Variants in CDH13 observed in about 807,000 individuals in gnomAD.
The protein encoded by CDH13 is cadherin 13.
In CDH13, 24 loss-of-function variants were observed where a neutral mutation model predicts 63.8. The ratio of observed to expected loss-of-function variants is 0.38; its 90% CI spans 0.27 to 0.53. The LOEUF (loss-of-function observed/expected upper bound fraction) is 0.53. CDH13 is among the 20% of genes least tolerant of loss of function. CDH13 has a pLI of 0.85. For synonymous variants in CDH13, 503 were observed against 355.3 expected (o/e 1.42, Z -4.67); for missense variants, 1,049 against 903.1 (o/e 1.16, Z -2.07).
chr16:83,328,291 G>C (rs1237453017), intron 5 of CDH13, among the ~76,000 whole-genome samples: 1 of 152,162 alleles, frequency 6.6e-6, no homozygotes, highest in East Asian at 1.9e-4. Flanking sequence ...TTATGAGTGA[G>C]ATTAAAAGAG....
chr16:82,815,278 C>T (rs918332741), intron 1 of CDH13, among the ~76,000 whole-genome samples: 2 of 152,148 alleles, frequency 1.3e-5, no homozygotes, highest in African/African-American at 2.4e-5. Flanking sequence ...ATCCACATCA[C>T]AGCTCCACCC....
intron 2 of CDH13, among the ~76,000 whole-genome samples, chr16:82,916,531 G>A (rs564508974): frequency 2.6e-5 from 4 of 151,896 alleles, no homozygotes; most frequent in East Asian, 1.9e-4. Context: ...CTGAGATCGC[G>A]CCACAGCACT....
intron 10 of CDH13, among the ~76,000 whole-genome samples, chr16:83,731,393 A>G (rs1047999922): frequency 2.0e-5 from 3 of 151,968 alleles, no homozygotes; most frequent in Non-Finnish European, 4.4e-5. Flanking sequence ...TGTGGTTTTG[A>G]TTTGCATTTC....
At chr16:83,629,887 C>T (rs1910629200) in intron 8 of CDH13, among the ~76,000 whole-genome samples, 1 of 152,212 alleles carries the variant, frequency 6.6e-6, no homozygotes, top group African/African-American at 2.4e-5. Context: ...GAGCTTACAA[C>T]AGCGTTGAAT....
intron 1 of CDH13, among the ~76,000 whole-genome samples, chr16:82,841,329 C>G (rs917095656): frequency 1.4e-4 from 22 of 152,164 alleles, no homozygotes; most frequent in African/African-American, 4.8e-4. Context: ...TGGAACAAAG[C>G]CTGTGGCTGG....
At chr16:83,335,739 T>G (rs1161405164) in intron 5 of CDH13, among the ~76,000 whole-genome samples, 1 of 152,114 alleles carries the variant, frequency 6.6e-6, no homozygotes, top group African/African-American at 2.4e-5. Flanking sequence ...ATCCCTATCC[T>G]GTTTTGTTCC....
chr16:82,884,504 A>G (rs577214687), intron 2 of CDH13: 2 of 244,660 alleles, frequency 8.2e-6, no homozygotes, highest in African/African-American at 4.4e-5. Context: ...CACCCAAGGT[A>G]AGCCAGGGGA....
At chr16:82,691,112 A>G (rs1472155434) in intron 1 of CDH13, among the ~76,000 whole-genome samples, 2 of 152,228 alleles carry the variant, frequency 1.3e-5, no homozygotes, top group Admixed American at 6.5e-5. Context: ...CAGGCGCTGC[A>G]CTGGACTCAG....
chr16:82,822,232 A>G (rs1248404836), intron 1 of CDH13, among the ~76,000 whole-genome samples: 34 of 152,250 alleles, frequency 2.2e-4, no homozygotes, highest in Non-Finnish European at 2.9e-5. Context: ...CCAAATGTCT[A>G]TCAAAAGAAC....
At position 82,713,165 on chromosome 16, in the gene CDH13, G is replaced by A. The variant is rs2032086998; in HGVS notation, c.45+86028G>A. Among the ~76,000 whole-genome samples, 3 of 151,974 alleles carry A rather than the reference G, an allele frequency of 2.0e-5. No homozygotes were observed. In the South Asian group the frequency reaches 6.2e-4, roughly 31 times the overall value. On this transcript the variant is annotated intron_variant, in intron 1 of 13. Transcript: ENST00000567109. Reference sequence around the variant, plus strand: ...CATTGTCCCTCAATTTGGGATCCCGGTACCACCCGCATAAGAATCTTTTGG... The same window carrying A: ...CATTGTCCCTCAATTTGGGATCCCGATACCACCCGCATAAGAATCTTTTGG...
intron 11 of CDH13, among the ~76,000 whole-genome samples, chr16:83,754,862 C>G (rs1280655291): frequency 6.6e-6 from 1 of 152,084 alleles, no homozygotes; most frequent in East Asian, 1.9e-4. Context: ...ATACATCATC[C>G]TATCTGACTA....
chr16:83,672,409 C>CTTTTTTTTTTTTTTTTT (rs34156503), intron 9 of CDH13, among the ~76,000 whole-genome samples: 4 of 35,108 alleles, frequency 1.1e-4, no homozygotes, highest in Non-Finnish European at 1.5e-4. Context: ...TCTGGATTCT[C>CTTTTTTTTTTTTTTTTT]TTTTTTTTTT....
intron 2 of CDH13, among the ~76,000 whole-genome samples, chr16:82,968,309 C>G (rs1908163291): frequency 6.6e-6 from 1 of 152,232 alleles, no homozygotes; most frequent in African/African-American, 2.4e-5. Flanking sequence ...CTTCCACCTT[C>G]ATGTCCTGAA....
chr16:83,027,158 TG>T (rs1915896876), intron 2 of CDH13, among the ~76,000 whole-genome samples: 1 of 145,880 alleles, frequency 6.9e-6, no homozygotes, highest in Non-Finnish European at 1.5e-5. Flanking sequence ...ATCATCATTT[TG>T]CTCTGGAGAG....
At chr16:82,776,847 C>A (rs1438050180) in intron 1 of CDH13, among the ~76,000 whole-genome samples, 1 of 152,188 alleles carries the variant, frequency 6.6e-6, no homozygotes, top group African/African-American at 2.4e-5. Flanking sequence ...GGTGTCCCAG[C>A]ATTTTGCACA....
chr16:82,874,378 G>T (rs1027126884), intron 2 of CDH13, among the ~76,000 whole-genome samples: 2 of 152,002 alleles, frequency 1.3e-5, no homozygotes, highest in East Asian at 3.9e-4. Flanking sequence ...AGCAGAGTGT[G>T]GTGGCTCAGC....
intron 2 of CDH13, among the ~76,000 whole-genome samples, chr16:82,950,279 G>A (rs1464018727): frequency 6.6e-6 from 1 of 152,026 alleles, no homozygotes; most frequent in African/African-American, 2.4e-5. Context: ...CCTTCCCTTT[G>A]CATGCCAGTC....
At chr16:83,583,138 C>T (rs770106662) in intron 7 of CDH13, among the ~76,000 whole-genome samples, 1 of 152,188 alleles carries the variant, frequency 6.6e-6, no homozygotes, top group Non-Finnish European at 1.5e-5. Context: ...GTCTCTGCTT[C>T]CACCTTCAGG....
intron 4 of CDH13, among the ~76,000 whole-genome samples, chr16:83,140,323 A>T (rs191537300): frequency 2.0e-5 from 3 of 152,296 alleles, no homozygotes; most frequent in African/African-American, 7.2e-5. Context: ...AACCTTCTTC[A>T]TGTCCTTCAT....
Sources: gnomAD v4.1 joint callset for allele counts (sites outside exome capture counted in the v4.1 genomes callset) on GRCh38, gnomAD v4.1.1 for gene constraint, MANE v1.5 for transcripts, NCBI Gene and HGNC (gene_info 2026-07-23, HGNC 2026-07-21) for gene names.